CD163L1: variants seen among roughly 807,000 people sequenced by gnomAD.
CD163L1 encodes scavenger receptor cysteine-rich type 1 protein M160.
CD163L1 carries 124 observed loss-of-function variants against 165.4 expected under a neutral mutation model. The ratio of observed to expected loss-of-function variants is 0.75; its 90% CI spans 0.65 to 0.87. CD163L1 has a LOEUF of 0.87. Ranked by LOEUF, CD163L1 falls within the 40% of genes least tolerant of loss-of-function variation. The probability of loss-of-function intolerance (pLI) is 0.00; values close to 1 mark genes in which losing one functional copy is unlikely to be tolerated. For synonymous variants in CD163L1, 585 were observed against 662.2 expected, an observed-to-expected ratio of 0.88 and a Z score of 1.79; for missense variants, 1,525 against 1,799.9, an observed-to-expected ratio of 0.85 and a Z score of 2.76.
At position 7,421,279 on chromosome 12, in the gene CD163L1, A is replaced by G. The variant is rs867101352; in HGVS notation, c.766+11137T>C. 3.5e-4 allele frequency among the ~76,000 whole-genome samples: 40 copies of G among 115,932 alleles called. 1 individual carries two copies. Among genetic ancestry groups the G allele is most frequent in the South Asian group, 1.1e-3 (4 of 3,694 alleles). The allele number at this position is 115,932 out of a possible 152,430, so 76.1% of individuals were successfully genotyped here. A position where few individuals can be genotyped will look rare whatever the true frequency, so the allele number is the denominator to read the frequency against. On this transcript the variant is annotated intron_variant, in intron 4 of 19. Transcript: ENST00000313599. ...ATGTATATATCTTCCAAATGTGTGTATATATATATGTGTGTATATATGTAT... is the reference window on the plus strand; with the variant it reads ...ATGTATATATCTTCCAAATGTGTGTGTATATATATGTGTGTATATATGTAT...
At chr12:7,378,128 C>T (rs1947310316) in intron 9 of CD163L1, among the ~76,000 whole-genome samples, 1 of 152,184 alleles carries the variant, frequency 6.6e-6, no homozygotes, top group Admixed American at 6.5e-5. Context: ...CTGCAGTGCA[C>T]CCATCTGCTT....
chr12:7,327,199 G>C, the CD163L1 span: 6 of 1,310,590 alleles, frequency 4.6e-6, no homozygotes, highest in Non-Finnish European at 6.1e-6. Flanking sequence ...CATTATATAG[G>C]TAGAAGACAC....
intron 6 of CD163L1, among the ~76,000 whole-genome samples, chr12:7,399,304 T>TC (rs1591926631): frequency 6.8e-6 from 1 of 146,426 alleles, no homozygotes; most frequent in East Asian, 2.0e-4. Flanking sequence ...TTCTCTCCTT[T>TC]CTTTCTTTTC....
chr12:7,375,503 T>C lies in CD163L1; in HGVS notation c.2779A>G (p.Thr927Ala). ...CGGGCATCTTCTGGGTCCCAGTGGGTGTCACACAGTGAGCCCCAGTGTCCA... is the reference window on the plus strand; with the variant it reads ...CGGGCATCTTCTGGGTCCCAGTGGGCGTCACACAGTGAGCCCCAGTGTCCA... ...VLGHWGSLCD[T>A]HWDPEDARVL... Residue 927 changes from threonine to alanine, a missense_variant, in exon 11 of 20, where the codon ACC becomes GCC. Coordinates refer to ENST00000313599, the MANE Select transcript of CD163L1 (RefSeq NM_174941.6). 6.2e-7 allele frequency: 1 copy of C among 1,614,080 alleles called. No individual in the cohort carries two copies. Among genetic ancestry groups the C allele is most frequent in the African/African-American group, 1.3e-5 (1 of 75,034 alleles).
At chr12:7,373,293 A>T (rs1378005156) in intron 14 of CD163L1, 27 bp downstream of exon 14, 2 of 1,556,548 alleles carry the variant, frequency 1.3e-6, no homozygotes, top group African/African-American at 2.7e-5. Flanking sequence ...GGCTTCAGTG[A>T]CAGCTGGTGT....
In CD163L1 at chr12:7,432,602, T is replaced by C. The variant is rs1171713448; in HGVS notation, c.580A>G (p.Arg194Gly). The C allele has an allele frequency of 6.2e-7, 1 of 1,614,210 alleles. No homozygotes were observed. The highest frequency in any genetic ancestry group is 1.3e-5 in the African/African-American group (1 of 75,036). The stretch of plus-strand genomic sequence containing the variant: ...AAAGAAGATGGACATCCTAGTTGCC[T>C]GCACACCACGGCAGCAGTATTCAAG... The part of the protein sequence containing the change: ...WNLNTAAVVC[R>G]QLGCPSSFIS... Residue 194 changes from arginine to glycine, a missense_variant, in exon 4 of 20, where the codon AGG (arginine) becomes GGG (glycine). Transcript: ENST00000313599. The surrounding 1 kb of genome is among the most constrained non-coding windows in gnomAD (Gnocchi z 4.2).
chr12:7,374,670 A>G lies in CD163L1; in HGVS notation c.3181T>C (p.Cys1061Arg). The G allele has an allele frequency of 6.2e-7, 1 of 1,614,230 alleles. No homozygotes were observed. Among genetic ancestry groups the G allele is most frequent in the Non-Finnish European group, 8.5e-7 (1 of 1,180,030 alleles). Reference protein sequence around the residue: ...IYHDGFWGTICDDGWDLSDAH... With the variant: ...IYHDGFWGTIRDDGWDLSDAH... ...TCGCTCAGGTCCCAGCCGTCATCAC[A>G]GATGGTGCCCCAGAAGCCGTCGTGA... is the stretch of plus-strand genomic sequence containing the variant. The change falls in exon 13 of 20, where the codon TGT becomes CGT. Residue 1061 changes from cysteine to arginine, a missense_variant. By Grantham distance (180) the Cys-to-Arg change is radical. Coordinates refer to ENST00000313599, the MANE Select transcript of CD163L1 (RefSeq NM_174941.6). This position sits in a 1 kb window ranked among gnomAD's most constrained non-coding sequence, Gnocchi z 5.4.
At chr12:7,343,437 A>G (rs1276292111), downstream of CD163L1, among the ~76,000 whole-genome samples, 2 of 152,228 alleles carry the variant, frequency 1.3e-5, no homozygotes, top group Admixed American at 1.3e-4. Flanking sequence ...TAATTACCTC[A>G]TGGTTCTGCA....
intron 4 of CD163L1, among the ~76,000 whole-genome samples, chr12:7,418,435 A>G (rs1245350526): frequency 1.3e-5 from 2 of 152,130 alleles, no homozygotes; most frequent in Non-Finnish European, 2.9e-5. Context: ...AGAAGGTCTG[A>G]AAGAGTATAA....
At chr12:7,350,547 T>A (rs1470709532), downstream of CD163L1, among the ~76,000 whole-genome samples, 2 of 152,212 alleles carry the variant, frequency 1.3e-5, no homozygotes, top group African/African-American at 4.8e-5. Flanking sequence ...CTTTCTGTCC[T>A]CTTTCCTCAA....
the CD163L1 span, among the ~76,000 whole-genome samples, chr12:7,338,366 A>C: frequency 2.0e-5 from 3 of 152,196 alleles, no homozygotes; most frequent in Non-Finnish European, 4.4e-5. Context: ...TCATGTTGAC[A>C]CATGTTTTGG....
Position 7,358,405 on chromosome 12 carries a change from G to A in CD163L1, c.4280-919C>T, listed in dbSNP as rs77685710. Among the ~76,000 whole-genome samples the A allele has an allele frequency of 2.9e-3, 436 of 152,142 alleles. 5 individuals are homozygous for A. Among genetic ancestry groups the A allele is most frequent in the African/African-American group, 9.2e-3 (383 of 41,508 alleles). ...CATTTTGAAGTACATATAAAATATT[G>A]TGTTCTTCTTAATGAAGAACACTTC... On this transcript the variant is annotated intron_variant, in intron 18 of 19. Transcript: ENST00000313599.
intron 18 of CD163L1, among the ~76,000 whole-genome samples, chr12:7,363,075 A>G (rs916420203): frequency 6.6e-6 from 1 of 152,096 alleles, no homozygotes; most frequent in African/African-American, 2.4e-5. Context: ...CGTTTATAGC[A>G]GTAAACACCC....
downstream of CD163L1, among the ~76,000 whole-genome samples, chr12:7,343,601 CTT>C (rs1946650850): frequency 6.6e-6 from 1 of 152,102 alleles, no homozygotes; most frequent in Admixed American, 6.5e-5. Flanking sequence ...GTGCCACAAA[CTT>C]TTAAACAACC....
chr12:7,398,662 C>A lies in CD163L1; in HGVS notation c.1409-78G>T. On this transcript the variant is annotated intron_variant, in intron 6 of 19. Coordinates refer to ENST00000313599, the MANE Select transcript of CD163L1 (RefSeq NM_174941.6). The surrounding 1 kb of genome is among the most constrained non-coding windows in gnomAD (Gnocchi z 4.5). The stretch of plus-strand genomic sequence containing the variant: ...GAAGACTGAAAAGACTCTCTAAATT[C>A]ACGACTATAAGGCTTTGCCTAACAG... 7.8e-7 allele frequency: 1 copy of A among 1,284,390 alleles called. No homozygotes were observed. Among genetic ancestry groups the A allele is most frequent in the Non-Finnish European group, 1.1e-6 (1 of 940,518 alleles). 79.6% of individuals were successfully genotyped at this position (1,284,390 alleles called of 1,614,324 possible).
intron 8 of CD163L1, among the ~76,000 whole-genome samples, chr12:7,382,978 A>G (rs1947443210): frequency 6.6e-6 from 1 of 152,130 alleles, no homozygotes; most frequent in Non-Finnish European, 1.5e-5. Context: ...CCCCCATGAT[A>G]AAGAGAGCTG....
At chr12:7,395,539 C>A (rs1947754398) in intron 8 of CD163L1, among the ~76,000 whole-genome samples, 1 of 152,082 alleles carries the variant, frequency 6.6e-6, no homozygotes, top group African/African-American at 2.4e-5. Context: ...CACATGTATA[C>A]CTATGTAACA....
In CD163L1 at chr12:7,374,391, C is replaced by G. The variant is rs2136426560; in HGVS notation, c.3409+51G>C. On this transcript the variant is annotated intron_variant, in intron 13 of 19. Transcript: ENST00000313599. The surrounding 1 kb of genome is among the most constrained non-coding windows in gnomAD (Gnocchi z 5.4). ...ACTTTACAATTGTGTTGTGTGTGTG[C>G]AAGTGTGTGCACGTGTGTGTAGAGG... 1 of 1,518,496 alleles carries G rather than the reference C, an allele frequency of 6.6e-7. No homozygotes were observed. Among genetic ancestry groups the G allele is most frequent in the South Asian group, 1.3e-5 (1 of 79,796 alleles). 94.1% of individuals were successfully genotyped at this position (1,518,496 alleles called of 1,614,324 possible).
rs200018777 is a variant in CD163L1, at chr12:7,406,804, A to G, written c.815T>C (p.Met272Thr). ...TTGGATTTTCAGCTCTACTCTCCCC[A>G]TACAGCGGTTAGTTCCACCTACAAG... ...LRLVGGTNRC[M>T]GRVELKIQGR... The change falls in exon 5 of 20, where the codon ATG (methionine) becomes ACG (threonine). Residue 272 changes from methionine to threonine, a missense_variant. By Grantham distance (81) the Met-to-Thr change is moderately conservative. Transcript: ENST00000313599. The G allele has an allele frequency of 1.6e-5, 26 of 1,614,022 alleles. No homozygotes were observed. The East Asian group carries it at 5.3e-4, about 33-fold the overall frequency.
Sources: allele counts gnomAD v4.1 joint callset (sites outside exome capture counted in the v4.1 genomes callset), GRCh38; gene constraint gnomAD v4.1.1; non-coding constraint Gnocchi (gnomAD v3.1); transcripts MANE v1.5; gene names NCBI Gene and HGNC (gene_info 2026-07-23, HGNC 2026-07-21).